Variants in CADM2 observed in about 807,000 individuals in gnomAD.
CADM2 encodes the protein cell adhesion molecule 2, also known as immunoglobulin superfamily member 4D.
Under a neutral mutation model 49.8 loss-of-function variants are expected in CADM2, and 12 were observed. That is an observed-to-expected ratio of 0.24 (90% CI 0.15 to 0.39). CADM2 has a LOEUF of 0.39. Among genes scored for constraint, CADM2 ranks in the 10% least tolerant of loss-of-function variants. The pLI is 1.00. For synonymous variants in CADM2, 214 were observed against 175.4 expected (o/e 1.22, Z -1.74); for missense variants, 378 against 492.3 (o/e 0.77, Z 2.20).
intron 1 of CADM2, among the ~76,000 whole-genome samples, chr3:85,065,131 TATC>T (rs1157908350): frequency 1.3e-5 from 2 of 152,106 alleles, no homozygotes; most frequent in African/African-American, 2.4e-5. Context: ...TAAACTTACT[TATC>T]ATGAAAATAA....
At chr3:85,538,186 G>A (rs2061464704) in intron 1 of CADM2, among the ~76,000 whole-genome samples, 1 of 152,086 alleles carries the variant, frequency 6.6e-6, no homozygotes, top group Admixed American at 6.6e-5. Flanking sequence ...GGAAGTGTAG[G>A]AATAATTTCC....
chr3:85,784,936 T>C (rs554119284), intron 2 of CADM2, among the ~76,000 whole-genome samples: 1 of 152,202 alleles, frequency 6.6e-6, no homozygotes, highest in Non-Finnish European at 1.5e-5. Flanking sequence ...TACAGGAGAC[T>C]TTTTATTGAG....
intron 1 of CADM2, among the ~76,000 whole-genome samples, chr3:84,999,908 A>T (rs1400498814): frequency 6.6e-6 from 1 of 152,166 alleles, no homozygotes; most frequent in Non-Finnish European, 1.5e-5. Context: ...AAGTAATTAT[A>T]TAATTTTAGA....
At chr3:85,635,538 A>G (rs914018004) in intron 1 of CADM2, among the ~76,000 whole-genome samples, 8 of 152,146 alleles carry the variant, frequency 5.3e-5, no homozygotes, top group African/African-American at 1.9e-4. Context: ...AACATTTTGC[A>G]TGTTCAAATA....
chr3:85,023,319 T>G (rs993405851), intron 1 of CADM2, among the ~76,000 whole-genome samples: 2 of 152,148 alleles, frequency 1.3e-5, no homozygotes, highest in Non-Finnish European at 2.9e-5. Context: ...AGGGCTGGTT[T>G]GCAGGGTATT....
intron 1 of CADM2, among the ~76,000 whole-genome samples, chr3:85,426,137 T>C (rs918425096): frequency 5.3e-5 from 8 of 152,104 alleles, no homozygotes; most frequent in African/African-American, 1.9e-4. Context: ...CTATCTTTTT[T>C]TTTTTCTTTT....
At chr3:85,287,122 T>C (rs2043652094) in intron 1 of CADM2, among the ~76,000 whole-genome samples, 1 of 152,150 alleles carries the variant, frequency 6.6e-6, no homozygotes, top group Non-Finnish European at 1.5e-5. Flanking sequence ...CTACTTTTAA[T>C]TGAATTGGTG....
intron 1 of CADM2, among the ~76,000 whole-genome samples, chr3:85,546,687 A>G (rs2061676260): frequency 6.6e-6 from 1 of 152,146 alleles, no homozygotes; most frequent in South Asian, 2.1e-4. Context: ...GAATACTAAG[A>G]TGAGGACTGC....
chr3:85,242,273 T>G (rs2042548556), intron 1 of CADM2, among the ~76,000 whole-genome samples: 1 of 151,546 alleles, frequency 6.6e-6, no homozygotes, highest in South Asian at 2.1e-4. Flanking sequence ...TTAGTTTTAC[T>G]GTTACTGTTG....
At chr3:85,993,964 G>A (rs564430456) in intron 8 of CADM2, 1 of 152,108 alleles carries the variant, frequency 6.6e-6, no homozygotes, top group African/African-American at 2.4e-5. Context: ...AATGGTAAAT[G>A]AACATTGGTT....
intron 1 of CADM2, among the ~76,000 whole-genome samples, chr3:85,075,749 C>T (rs1183054937): frequency 6.6e-6 from 1 of 152,070 alleles, no homozygotes; most frequent in Admixed American, 6.6e-5. Flanking sequence ...ATATTTATTT[C>T]TCTGGGGCAA....
In CADM2 at chr3:85,586,058, T is replaced by TTTTGGGGAG. The variant is rs762387808; in HGVS notation, c.62-140462_62-140461insTGGGGAGTT. Reference sequence around the variant, plus strand: ...TTCTACAATTCAGTGTGTGATTTTGTTTAAAGGGGAGCCATCACTCATTAA... The same window carrying TTTTGGGGAG: ...TTCTACAATTCAGTGTGTGATTTTGTTTTGGGGAGTTAAAGGGGAGCCATCACTCATTAA... On this transcript the variant is annotated intron_variant, in intron 1 of 9. Coordinates refer to ENST00000383699, the MANE Select transcript of CADM2 (RefSeq NM_001167675.2). 6.2e-4 allele frequency among the ~76,000 whole-genome samples: 94 copies of TTTTGGGGAG among 152,102 alleles called. 1 individual carries two copies. Among genetic ancestry groups the TTTTGGGGAG allele is most frequent in the Non-Finnish European group, 1.2e-3 (84 of 67,996 alleles).
intron 1 of CADM2, among the ~76,000 whole-genome samples, chr3:85,308,274 T>A (rs535341565): frequency 1.4e-4 from 21 of 150,828 alleles, no homozygotes; most frequent in Non-Finnish European, 1.2e-4. Context: ...AGTTTTTTTT[T>A]ATTTATTTAA....
At chr3:85,423,775 T>C (rs1408726887) in intron 1 of CADM2, among the ~76,000 whole-genome samples, 3 of 152,196 alleles carry the variant, frequency 2.0e-5, no homozygotes, top group African/African-American at 7.2e-5. Context: ...GTCTTAGTTT[T>C]ATTTCCTGCA....
At chr3:85,293,750 A>G (rs938894755) in intron 1 of CADM2, among the ~76,000 whole-genome samples, 20 of 149,296 alleles carry the variant, frequency 1.3e-4, no homozygotes, top group African/African-American at 4.7e-4. Flanking sequence ...CCTTCATGCT[A>G]AAAACTCTCA....
intron 1 of CADM2, among the ~76,000 whole-genome samples, chr3:85,573,969 C>T (rs1299125531): frequency 6.6e-6 from 1 of 151,952 alleles, no homozygotes; most frequent in East Asian, 1.9e-4. Flanking sequence ...TTCTGCTTAC[C>T]CAGCTGTCCA....
chr3:85,874,982 CA>C (rs2108364218), intron 3 of CADM2, among the ~76,000 whole-genome samples: 1 of 152,240 alleles, frequency 6.6e-6, no homozygotes, highest in African/African-American at 2.4e-5. Flanking sequence ...AAACTGTCTT[CA>C]AATAGTAACA....
At chr3:85,564,806 A>G (rs895163936) in intron 1 of CADM2, among the ~76,000 whole-genome samples, 1 of 152,114 alleles carries the variant, frequency 6.6e-6, no homozygotes, top group Non-Finnish European at 1.5e-5. Flanking sequence ...CAATTCATAA[A>G]TGAAAACTAT....
intron 1 of CADM2, among the ~76,000 whole-genome samples, chr3:85,343,825 T>C (rs1215105653): frequency 6.6e-6 from 1 of 152,204 alleles, no homozygotes; most frequent in Non-Finnish European, 1.5e-5. Context: ...TTGAGTTATC[T>C]TGTTTGTTTT....
Sources: gnomAD v4.1 joint callset for allele counts (sites outside exome capture counted in the v4.1 genomes callset) on GRCh38, gnomAD v4.1.1 for gene constraint, MANE v1.5 for transcripts, NCBI Gene and HGNC (gene_info 2026-07-23, HGNC 2026-07-21) for gene names.